Variants in SEPTIN11 observed in about 807,000 individuals in gnomAD.
The protein encoded by SEPTIN11 is septin 11.
In SEPTIN11, 25 loss-of-function variants were observed where a neutral mutation model predicts 51.4. The observed-to-expected ratio is 0.49, with a 90% CI of 0.35 to 0.68. The LOEUF is 0.68. SEPTIN11 is among the 30% of genes least tolerant of loss of function. The pLI is 0.00. For missense variants in SEPTIN11, 381 were observed against 520.8 expected, an observed-to-expected ratio of 0.73 and a Z score of 2.61; for synonymous variants, 174 against 184.1, an observed-to-expected ratio of 0.95 and a Z score of 0.44.
At chr4:76,959,798 A>G (rs1721748912) in intron 1 of SEPTIN11, among the ~76,000 whole-genome samples, 1 of 152,238 alleles carries the variant, frequency 6.6e-6, no homozygotes, top group Non-Finnish European at 1.5e-5. Context: ...AGTTTTAAGG[A>G]TGGGGATTAA....
chr4:77,025,284 C>T (rs1466922092), intron 7 of SEPTIN11, among the ~76,000 whole-genome samples: 6 of 152,110 alleles, frequency 3.9e-5, no homozygotes, highest in Non-Finnish European at 8.8e-5. Context: ...CACCTGAAAT[C>T]CCAGCACTCC....
At chr4:77,021,483 T>G (rs1339850792) in intron 7 of SEPTIN11, 1 of 152,596 alleles carries the variant, frequency 6.6e-6, no homozygotes, top group Non-Finnish European at 1.5e-5. Flanking sequence ...TCTTTTTTTT[T>G]GTTTGAGACG....
At chr4:77,039,365 A>C (rs1727240978), downstream of SEPTIN11, 1 of 1,095,526 alleles carries the variant, frequency 9.1e-7, no homozygotes, top group Non-Finnish European at 1.1e-6. Flanking sequence ...ACGTGGGCCA[A>C]GACCCAAGGT....
At chr4:76,950,334 T>A (rs1042601021) in intron 1 of SEPTIN11, among the ~76,000 whole-genome samples, 2 of 151,972 alleles carry the variant, frequency 1.3e-5, no homozygotes, top group African/African-American at 4.8e-5. Context: ...GCTCAGGGCA[T>A]GGGAATTGCG....
intron 3 of SEPTIN11, among the ~76,000 whole-genome samples, chr4:77,008,678 T>TTG (rs527948505): frequency 6.6e-6 from 1 of 152,132 alleles, no homozygotes; most frequent in Non-Finnish European, 1.5e-5. Flanking sequence ...TCTGTCATTT[T>TTG]TGTGTGTGTG....
At chr4:77,012,418 T>C (rs1036943388) in intron 4 of SEPTIN11, among the ~76,000 whole-genome samples, 5 of 152,220 alleles carry the variant, frequency 3.3e-5, no homozygotes, top group African/African-American at 1.2e-4. Context: ...CCTTCTCTTT[T>C]TCACAACACA....
At chr4:76,995,235 AGCTGGGCGT>A (rs936923003) in intron 1 of SEPTIN11, among the ~76,000 whole-genome samples, 1 of 151,674 alleles carries the variant, frequency 6.6e-6, no homozygotes, top group Non-Finnish European at 1.5e-5. Flanking sequence ...TACAAAAATT[AGCTGGGCGT>A]GGTGGCGCGT....
rs1431468338 is a variant in SEPTIN11 at position 77,005,816 on chromosome 4, G to C, written c.338+20G>C. ...TGACAGGTACATCTTGGGATTTTGGGGGGACATGAATGGATGAGGAGATAG... is the reference window on the plus strand; with the variant it reads ...TGACAGGTACATCTTGGGATTTTGGCGGGACATGAATGGATGAGGAGATAG... On this transcript the variant is annotated intron_variant, in intron 3 of 9. Coordinates refer to ENST00000264893, the MANE Select transcript of SEPTIN11 (RefSeq NM_018243.4). 1 of 1,608,212 alleles carries C rather than the reference G, an allele frequency of 6.2e-7. No homozygotes were observed. The highest frequency in any genetic ancestry group is 8.5e-7 in the Non-Finnish European group (1 of 1,176,104).
intron 7 of SEPTIN11, among the ~76,000 whole-genome samples, chr4:77,027,003 G>T (rs776457088): frequency 6.6e-6 from 1 of 152,144 alleles, no homozygotes; most frequent in Admixed American, 6.5e-5. Context: ...ATGTGAAAGC[G>T]AAATGTACCT....
rs771886566 is a variant in SEPTIN11, at chr4:77,019,186, G to A, written c.709G>A (p.Val237Ile). The A allele has an allele frequency of 1.2e-6, 2 of 1,613,562 alleles. No individual in the cohort carries two copies. Among genetic ancestry groups the A allele is most frequent in the South Asian group, 1.1e-5 (1 of 90,802 alleles). ...GCAGGTCCATCTCCCATTTGCAGTG[G>A]TTGGCAGCACCGAAGAGGTGAAGAT... ...TMSVHLPFAV[V>I]GSTEEVKIGN... Residue 237 changes from valine (V) to isoleucine (I), a missense_variant, in exon 6 of 10, where the codon GTT becomes ATT. Around this residue, in one of 2 missense-constraint regions of SEPTIN11, gnomAD observed 197 missense variants for 313.1 expected, o/e 0.63. Coordinates refer to ENST00000264893, the MANE Select transcript of SEPTIN11 (RefSeq NM_018243.4).
chr4:77,016,656 A>ATATATATATATATATATATATT (rs55977886), intron 5 of SEPTIN11, among the ~76,000 whole-genome samples: 3 of 114,488 alleles, frequency 2.6e-5, no homozygotes, highest in Admixed American at 9.1e-5. Flanking sequence ...ATATATATAT[A>ATATATATATATATATATATATT]CACATATATA....
intron 2 of SEPTIN11, among the ~76,000 whole-genome samples, chr4:77,003,648 A>T (rs999265290): frequency 6.6e-6 from 1 of 152,380 alleles, no homozygotes; most frequent in Admixed American, 6.5e-5. Flanking sequence ...CATCATAGTT[A>T]CAGGCAAGCC....
chr4:76,987,940 T>C lies in SEPTIN11; in HGVS notation c.28-8485T>C, dbSNP rs531281031. On this transcript the variant is annotated intron_variant, in intron 1 of 9. Coordinates refer to ENST00000264893, the MANE Select transcript of SEPTIN11 (RefSeq NM_018243.4). ...AAAGACAGAGCTCAAAGGAGTGTAC[T>C]GTACATGTCTCCTCTGCCCTCTGCT... The C allele has an allele frequency of 3.0e-5, 13 of 433,442 alleles. No homozygotes were observed. The South Asian group carries it at 8.8e-4, about 29-fold the overall frequency. 26.8% of individuals were successfully genotyped at this position (433,442 alleles called of 1,614,324 possible).
At chr4:77,016,642 A>ATATATATATATATATATG (rs1725311239) in intron 5 of SEPTIN11, among the ~76,000 whole-genome samples, 1 of 125,990 alleles carries the variant, frequency 7.9e-6, no homozygotes, top group Non-Finnish European at 1.7e-5. Flanking sequence ...ACATATATAT[A>ATATATATATATATATATG]TATATATATA....
At chr4:76,985,469 C>A (rs2017036) in intron 1 of SEPTIN11, among the ~76,000 whole-genome samples, 80,453 of 151,884 alleles carry the variant, frequency 0.53, 21,906 homozygotes, top group Middle Eastern at 0.61. Flanking sequence ...TTTTCAACAG[C>A]GTTTTTCCTA....
chr4:77,018,412 G>A (rs1221124314), intron 5 of SEPTIN11, among the ~76,000 whole-genome samples: 1 of 150,420 alleles, frequency 6.6e-6, no homozygotes, highest in Non-Finnish European at 1.5e-5. Context: ...TCGCGCCACT[G>A]CACTCCAGCC....
At chr4:76,998,281 C>T (rs1723871366) in intron 2 of SEPTIN11, among the ~76,000 whole-genome samples, 1 of 152,054 alleles carries the variant, frequency 6.6e-6, no homozygotes, top group African/African-American at 2.4e-5. Flanking sequence ...TTTCATCTCC[C>T]ACCCCCATTT....
rs775495554 is a variant in SEPTIN11, at chr4:77,011,884, C to T, written c.488C>T (p.Ser163Phe). The T allele has an allele frequency of 2.5e-6, 4 of 1,613,916 alleles. No individual in the cohort carries two copies. The African/African-American group carries it at 5.3e-5, about 22-fold the overall frequency. ...GCCCCTACTGGACATTCACTAAAGT[C>T]CCTGGATCTGGTCACCATGAAAAAG... ...FIAPTGHSLKSLDLVTMKKLD... is the reference protein window; with the variant it reads ...FIAPTGHSLKFLDLVTMKKLD... The change falls in exon 4 of 10, where the codon TCC becomes TTC. Residue 163 changes from serine to phenylalanine, a missense_variant. This residue lies in a region of SEPTIN11 where 184 missense variants were observed against 207.7 expected (regional missense o/e 0.89). Coordinates refer to ENST00000264893, the MANE Select transcript of SEPTIN11 (RefSeq NM_018243.4).
At chr4:77,039,035 A>G, downstream of SEPTIN11, 1 of 1,244,898 alleles carries the variant, frequency 8.0e-7, no homozygotes, top group Non-Finnish European at 1.1e-6. Flanking sequence ...ATTAAGAATC[A>G]AATTTGAATC....
Sources: gnomAD v4.1 joint callset for allele counts (sites outside exome capture counted in the v4.1 genomes callset) on GRCh38, gnomAD v4.1.1 for gene constraint, gnomAD v4.1.1 regional missense constraint, MANE v1.5 for transcripts, NCBI Gene and HGNC (gene_info 2026-07-23, HGNC 2026-07-21) for gene names.